Variants in CCDC66 observed in about 807,000 individuals in gnomAD.
CCDC66 encodes coiled-coil domain-containing protein 66.
CCDC66 carries 133 observed loss-of-function variants against 128.3 expected under a neutral mutation model. The ratio of observed to expected loss-of-function variants is 1.04; its 90% CI spans 0.90 to 1.20. The LOEUF is 1.20. Among genes scored for constraint, CCDC66 ranks in the 50% most tolerant of loss-of-function variants. CCDC66 has a pLI of 0.00. For missense variants in CCDC66, 1,126 were observed against 1,075.5 expected (o/e 1.05, Z -0.66); for synonymous variants, 387 against 357.0 (o/e 1.08, Z -0.95).
intron 7 of CCDC66, among the ~76,000 whole-genome samples, chr3:56,586,923 G>A (rs1248939692): frequency 6.6e-6 from 1 of 151,736 alleles, no homozygotes; most frequent in Non-Finnish European, 1.5e-5. Flanking sequence ...GAGCATGGTG[G>A]GATGTTCCTG....
chr3:56,618,081 A>C, intron 14 of CCDC66, 91 bp from the exon 15 acceptor site: 1 of 993,410 alleles, frequency 1.0e-6, no homozygotes, highest in South Asian at 1.3e-5. Context: ...TATTACCCTC[A>C]GACTATTTCA....
chr3:56,593,565 C>A lies in CCDC66; in HGVS notation c.1143C>A (p.Phe381Leu), dbSNP rs2071322385. Residue 381 changes from phenylalanine to leucine, a missense_variant, in exon 9 of 18, where the codon TTC (phenylalanine) becomes TTA (leucine). Physicochemically the swap from Phe to Leu is conservative, Grantham distance 22. Coordinates refer to ENST00000394672, the MANE Select transcript of CCDC66 (RefSeq NM_001141947.3). ...ATCCTGGTTCTCAATCTCAGCTGTT[C>A]TCTCAGTCAACACACAAACAACCTG... Reference protein sequence around the residue: ...KSYPGSQSQLFSQSTHKQPEY... With the variant: ...KSYPGSQSQLLSQSTHKQPEY... The A allele has an allele frequency of 6.2e-7, 1 of 1,614,098 alleles. No homozygotes were observed. Among genetic ancestry groups the A allele is most frequent in the Non-Finnish European group, 8.5e-7 (1 of 1,179,970 alleles).
rs773708533 is a variant in CCDC66, at chr3:56,615,286, C to G, written c.1711+14C>G. The G allele has an allele frequency of 6.3e-7, 1 of 1,586,782 alleles. No homozygotes were observed. The highest frequency in any genetic ancestry group is 1.4e-5 in the African/African-American group (1 of 73,116). ...AAAATCTTGGTGGTAAGGGCCTAAC[C>G]AGAACTTTATTTATAATATTTTTAG... On this transcript the variant is annotated intron_variant, in intron 12 of 17. Transcript: ENST00000394672.
chr3:56,593,092 A>T lies in CCDC66; in HGVS notation c.1059A>T (p.Ile353=). ...AAAGAAAAATAGAGGAAAAAATTAT[A>T]TATTCAAAGGTAACTTATGAGGTTT... The part of the protein sequence containing the change: ...DRQRKIEEKI[I]YSKGEEHDRW... Residue 353 remains isoleucine, a synonymous_variant, in exon 8 of 18, where the codon ATA becomes ATT. Transcript: ENST00000394672. 1 of 1,593,394 alleles carries T rather than the reference A, an allele frequency of 6.3e-7. No individual in the cohort carries two copies. The highest frequency in any genetic ancestry group is 8.6e-7 in the Non-Finnish European group (1 of 1,166,564).
intron 15 of CCDC66, chr3:56,619,060 ATACAGAAAC>A (rs1331260576): frequency 2.3e-6 from 1 of 443,618 alleles, no homozygotes; most frequent in Admixed American, 4.2e-5. Flanking sequence ...TCTACTAAAA[ATACAGAAAC>A]TAGCTGGGCA....
intron 4 of CCDC66, 152 bp downstream of exon 4, chr3:56,564,277 T>C: frequency 1.7e-6 from 1 of 578,864 alleles, no homozygotes; most frequent in Non-Finnish European, 2.9e-6. Flanking sequence ...GGACTTTCTC[T>C]AATATGCAAA....
chr3:56,585,320 A>G (rs898408426), intron 7 of CCDC66, among the ~76,000 whole-genome samples: 13 of 151,878 alleles, frequency 8.6e-5, no homozygotes, highest in Non-Finnish European at 5.9e-5. Context: ...AAGACTTGGT[A>G]TAACATTAAA....
At chr3:56,597,703 T>C (rs1389802400) in intron 10 of CCDC66, among the ~76,000 whole-genome samples, 1 of 151,630 alleles carries the variant, frequency 6.6e-6, no homozygotes, top group Non-Finnish European at 1.5e-5. Context: ...TGTATGTTGA[T>C]TTTGTATTCT....
chr3:56,590,734 CAGTG>C (rs745807565), intron 7 of CCDC66, among the ~76,000 whole-genome samples: 62 of 151,216 alleles, frequency 4.1e-4, no homozygotes, highest in Non-Finnish European at 7.4e-4. Flanking sequence ...GCCTGGGTGA[CAGTG>C]AGACCCTGCC....
At chr3:56,616,982 C>A in intron 13 of CCDC66, 130 bp from the exon 14 acceptor site, 1 of 720,810 alleles carries the variant, frequency 1.4e-6, no homozygotes. Context: ...TATAGAGGTT[C>A]GGTTTTGTTG....
chr3:56,583,687 A>G (rs1478875171), intron 7 of CCDC66, among the ~76,000 whole-genome samples: 3 of 151,856 alleles, frequency 2.0e-5, no homozygotes, highest in Non-Finnish European at 2.9e-5. Flanking sequence ...GGAGTCTCCT[A>G]TGTCTACTTC....
At chr3:56,619,741 G>GTAAT in intron 16 of CCDC66, 36 bp from the exon 17 acceptor site, 1 of 1,608,684 alleles carries the variant, frequency 6.2e-7, no homozygotes, top group Non-Finnish European at 8.5e-7. Flanking sequence ...TTTTACTAAT[G>GTAAT]TAATTGACTG....
At chr3:56,571,376 T>TA (rs34099535) in intron 7 of CCDC66, 74 bp downstream of exon 7, 349,241 of 838,426 alleles carry the variant, frequency 0.42, 55,952 homozygotes, top group East Asian at 0.71. Context: ...TAAAGCTTAT[T>TA]AAAAAAAAAA....
At chr3:56,562,491 T>A (rs1199441596) in intron 3 of CCDC66, among the ~76,000 whole-genome samples, 1 of 152,192 alleles carries the variant, frequency 6.6e-6, no homozygotes, top group Non-Finnish European at 1.5e-5. Flanking sequence ...TAATGGATTC[T>A]AAAACTCTTA....
intron 6 of CCDC66, 58 bp downstream of exon 6, chr3:56,567,111 G>A: frequency 1.5e-6 from 2 of 1,355,194 alleles, no homozygotes; most frequent in East Asian, 2.3e-5. Flanking sequence ...ATGTATTGAA[G>A]CCGGGCACGG....
chr3:56,562,131 C>G (rs2065185578), intron 3 of CCDC66, among the ~76,000 whole-genome samples: 1 of 151,640 alleles, frequency 6.6e-6, no homozygotes, highest in South Asian at 2.1e-4. Context: ...GCCTCGACCT[C>G]CTGGGCTCAA....
At chr3:56,576,278 AT>A (rs964287513) in intron 7 of CCDC66, among the ~76,000 whole-genome samples, 21 of 148,304 alleles carry the variant, frequency 1.4e-4, no homozygotes, top group African/African-American at 4.9e-4. Flanking sequence ...AATTTTTTAA[AT>A]TTTTTTTGTT....
At chr3:56,594,081 A>G in intron 10 of CCDC66, 53 bp downstream of exon 10, 1 of 1,454,194 alleles carries the variant, frequency 6.9e-7, no homozygotes, top group Non-Finnish European at 9.7e-7. Context: ...AGTCATGGTG[A>G]ACATATACCT....
chr3:56,617,441 A>C lies in CCDC66; in HGVS notation c.2173A>C (p.Lys725Gln), dbSNP rs767100961. 1 of 1,614,084 alleles carries C rather than the reference A, an allele frequency of 6.2e-7. No individual in the cohort carries two copies. Residue 725 changes from lysine to glutamine, a missense_variant, in exon 14 of 18, where the codon AAG (lysine) becomes CAG (glutamine). Physicochemically the swap from Lys to Gln is moderately conservative, Grantham distance 53 (BLOSUM62 1). Coordinates refer to ENST00000394672, the MANE Select transcript of CCDC66 (RefSeq NM_001141947.3). Reference sequence around the variant, plus strand: ...AGAAAAGTACCCTAAACAGCTTCAAAAGCAGAGAGAAGAAAAAAAAGTAAG... The same window carrying C: ...AGAAAAGTACCCTAAACAGCTTCAACAGCAGAGAGAAGAAAAAAAAGTAAG... Reference protein sequence around the residue: ...ASEKYPKQLQKQREEKKVRRQ... With the variant: ...ASEKYPKQLQQQREEKKVRRQ...
Sources: gnomAD v4.1 joint callset for allele counts (sites outside exome capture counted in the v4.1 genomes callset) on GRCh38, gnomAD v4.1.1 for gene constraint, MANE v1.5 for transcripts, NCBI Gene and HGNC (gene_info 2026-07-23, HGNC 2026-07-21) for gene names.